Variants in BRPF1 observed in about 807,000 individuals in gnomAD.
BRPF1 encodes peregrin.
BRPF1 carries 15 observed loss-of-function variants against 115.0 expected under a neutral mutation model. The ratio of observed to expected loss-of-function variants is 0.13; its 90% CI spans 0.09 to 0.20. The LOEUF (loss-of-function observed/expected upper bound fraction) is 0.20. Ranked by LOEUF, BRPF1 falls within the 10% of genes least tolerant of loss-of-function variation. The pLI, the probability that BRPF1 is intolerant of heterozygous loss-of-function variation, is 1.00. For synonymous variants in BRPF1, 647 were observed against 619.8 expected, an observed-to-expected ratio of 1.04 and a Z score of -0.65; for missense variants, 1,118 against 1,638.3, an observed-to-expected ratio of 0.68 and a Z score of 5.48.
Position 9,747,101 on chromosome 3 carries a change from AG to A in BRPF1, c.3480-64del, listed in dbSNP as rs1482109689. 3 of 1,572,872 alleles carry A rather than the reference AG, an allele frequency of 1.9e-6. No individual in the cohort carries two copies. Among genetic ancestry groups the A allele is most frequent in the Non-Finnish European group, 2.6e-6 (3 of 1,150,000 alleles). ...GCTTGGGTGGTGTGTTTGAGTGAAT[AG>A]AGGAGGAAGGCTGGTCCTTGTTCTC... On this transcript the variant is annotated intron_variant, in intron 13 of 13. Transcript: ENST00000383829. The surrounding 1 kb of genome is among the most constrained non-coding windows in gnomAD (Gnocchi z 5.6).
chr3:9,746,464 G>A lies in BRPF1; in HGVS notation c.3479+10G>A, dbSNP rs2077127490. On this transcript the variant is annotated intron_variant, in intron 13 of 13. Transcript: ENST00000383829. ...ACAACAAACGAACCTGGTAAGGAGG[G>A]GAGCATTTGGTGTGACTCACAGCCA... The A allele has an allele frequency of 6.4e-7, 1 of 1,558,898 alleles. No individual in the cohort carries two copies.
In BRPF1 at chr3:9,747,576, G is replaced by T; in HGVS notation, c.*227G>T. 1 of 473,532 alleles carries T rather than the reference G, an allele frequency of 2.1e-6. No individual in the cohort carries two copies. The highest frequency in any genetic ancestry group is 3.7e-6 in the Non-Finnish European group (1 of 267,152). 29.3% of individuals were successfully genotyped at this position (473,532 alleles called of 1,614,324 possible). A position where few individuals can be genotyped will look rare whatever the true frequency, so the allele number is the denominator to read the frequency against. ...GCGCAAGGAGAGGGAGGGCCCACAG[G>T]TCAGAAAAAGCTCCAGAGACCTCAC... On this transcript the variant is annotated 3_prime_UTR_variant, in exon 14 of 14. Transcript: ENST00000383829. This position sits in a 1 kb window ranked among gnomAD's most constrained non-coding sequence, Gnocchi z 5.6.
rs771712227 is a variant in BRPF1, at chr3:9,739,789, G to T, written c.1390G>T (p.Gly464Cys). ...RRLPALSHSE[G>C]EEDEDEEEDE... is the part of the protein sequence containing the mutation. ...ACTGCCTGCCCTGTCCCACAGCGAG[G>T]GTGAGGAGGATGAAGATGAGGAGGA... Residue 464 changes from glycine to cysteine, a missense_variant, in exon 3 of 14, where the codon GGT becomes TGT. Around this residue, in one of 10 missense-constraint regions of BRPF1, gnomAD observed 87 missense variants for 93.4 expected, o/e 0.93. Transcript: ENST00000383829. 3 of 1,613,524 alleles carry T rather than the reference G, an allele frequency of 1.9e-6. No individual in the cohort carries two copies. The highest frequency in any genetic ancestry group is 1.7e-5 in the Admixed American group (1 of 59,912).
Position 9,734,744 on chromosome 3 carries a change from G to A in BRPF1, c.599+5G>A. The A allele has an allele frequency of 6.2e-7, 1 of 1,613,530 alleles. No homozygotes were observed. The highest frequency in any genetic ancestry group is 1.1e-5 in the South Asian group (1 of 91,066). On this transcript the variant is annotated splice_donor_5th_base_variant and intron_variant, in intron 2 of 13. Transcript: ENST00000383829. The surrounding 1 kb of genome is among the most constrained non-coding windows in gnomAD (Gnocchi z 5.7). The stretch of plus-strand genomic sequence containing the variant: ...CCGGCCAACTTCCTATTACCGGTAA[G>A]GCCACCTCTACCTTGCAGCTCTGGA...
At position 9,743,164 on chromosome 3, in the gene BRPF1, A is replaced by G. The variant is rs1471386300; in HGVS notation, c.2222A>G (p.Gln741Arg). The change falls in exon 7 of 14, where the codon CAG becomes CGG. Residue 741 changes from glutamine (Q) to arginine (R), a missense_variant. Gln to Arg is a conservative substitution (Grantham distance 43). Transcript: ENST00000383829. The surrounding 1 kb of genome is among the most constrained non-coding windows in gnomAD (Gnocchi z 6.1). ...GGAVLRQARR[Q>R]AEKMGIDFET... ...GCTGTGCTCCGCCAGGCCCGGCGCC[A>G]GGCAGAAAAAATGGGCATTGACTTT... 6.2e-7 allele frequency: 1 copy of G among 1,614,258 alleles called. No individual in the cohort carries two copies. The highest frequency in any genetic ancestry group is 8.5e-7 in the Non-Finnish European group (1 of 1,180,046).
chr3:9,734,596 G>A lies in BRPF1; in HGVS notation c.456G>A (p.Lys152=), dbSNP rs1171412862. 2 of 1,614,122 alleles carry A rather than the reference G, an allele frequency of 1.2e-6. No individual in the cohort carries two copies. Among genetic ancestry groups the A allele is most frequent in the Non-Finnish European group, 1.7e-6 (2 of 1,180,030 alleles). ...PAATPKSGKH[K]NKEKRKDSNH... ...CTACTCCCAAGTCAGGCAAACATAA[G>A]AACAAGGAGAAGCGCAAGGACTCCA... is the stretch of plus-strand genomic sequence containing the variant. Residue 152 remains lysine (K), a synonymous_variant, in exon 2 of 14, where the codon AAG becomes AAA. Transcript: ENST00000383829. The surrounding 1 kb of genome is among the most constrained non-coding windows in gnomAD (Gnocchi z 5.7).
chr3:9,742,522 CAG>C (rs2077048485), intron 6 of BRPF1: 1 of 985,326 alleles, frequency 1.0e-6, no homozygotes, highest in African/African-American at 1.7e-5. Flanking sequence ...TCCTGACTGG[CAG>C]ACTCTTCTCT....
chr3:9,746,962 G>A (rs866061328), intron 13 of BRPF1, among the ~76,000 whole-genome samples: 1 of 152,122 alleles, frequency 6.6e-6, no homozygotes, highest in Non-Finnish European at 1.5e-5. Flanking sequence ...AATACCCTGT[G>A]ATTACCCTCC....
chr3:9,744,161 G>T, intron 8 of BRPF1, 63 bp from the exon 9 acceptor site: 1 of 1,488,390 alleles, frequency 6.7e-7, no homozygotes, highest in South Asian at 1.4e-5. Flanking sequence ...GCATGACCCT[G>T]GATATCTACC....
intron 12 of BRPF1, 74 bp from the exon 13 acceptor site, chr3:9,746,226 C>CT: frequency 1.4e-6 from 2 of 1,475,812 alleles, no homozygotes; most frequent in African/African-American, 2.8e-5. Context: ...CAGACATACT[C>CT]TCTAAGTTCT....
At chr3:9,740,405 T>C (rs1161450194) in intron 3 of BRPF1, among the ~76,000 whole-genome samples, 1 of 152,184 alleles carries the variant, frequency 6.6e-6, no homozygotes, top group Non-Finnish European at 1.5e-5. Flanking sequence ...GTTTATTTGA[T>C]TTACTATATA....
chr3:9,738,256 A>C (rs921214434), intron 2 of BRPF1, among the ~76,000 whole-genome samples: 9 of 152,170 alleles, frequency 5.9e-5, no homozygotes, highest in African/African-American at 2.2e-4. Flanking sequence ...TGACCTATCT[A>C]TGTTTTGATT....
rs759462691 is a variant in BRPF1 at position 9,742,934 on chromosome 3, G to C, written c.2002-10G>C. ...TCTCCACTTAAAACAAACCTGCCCT[G>C]CCCTTCCAGGTACCTGACTACCTAG... is the stretch of plus-strand genomic sequence containing the variant. On this transcript the variant is annotated splice_polypyrimidine_tract_variant and intron_variant, in intron 6 of 13. Coordinates refer to ENST00000383829, the MANE Select transcript of BRPF1 (RefSeq NM_001003694.2). The C allele has an allele frequency of 2.5e-6, 4 of 1,609,402 alleles. No homozygotes were observed. The South Asian group carries it at 4.4e-5, about 18-fold the overall frequency.
intron 1 of BRPF1, chr3:9,732,480 A>C (rs548499703): frequency 6.6e-6 from 1 of 152,162 alleles, no homozygotes; most frequent in South Asian, 2.1e-4. Context: ...CTTCAGGGGC[A>C]GATGCAGCCG....
chr3:9,740,908 C>G lies in BRPF1; in HGVS notation c.1689C>G (p.His563Gln). The change falls in exon 4 of 14, where the codon CAC (histidine) becomes CAG (glutamine). Residue 563 changes from histidine to glutamine, a missense_variant. His to Gln is a conservative substitution (Grantham distance 24). Coordinates refer to ENST00000383829, the MANE Select transcript of BRPF1 (RefSeq NM_001003694.2). ...GVPLLRRLQT[H>Q]LQSQRNCDQV... is the part of the protein sequence containing the mutation. ...CATTGCTACGTCGCCTGCAGACACACCTGCAATCTCAGAGGAACTGTGACC... is the reference window on the plus strand; with the variant it reads ...CATTGCTACGTCGCCTGCAGACACAGCTGCAATCTCAGAGGAACTGTGACC... 2 of 1,613,468 alleles carry G rather than the reference C, an allele frequency of 1.2e-6. No homozygotes were observed. The highest frequency in any genetic ancestry group is 1.7e-6 in the Non-Finnish European group (2 of 1,180,022).
At position 9,742,982 on chromosome 3, in the gene BRPF1, C is replaced by T. The variant is rs145255927; in HGVS notation, c.2040C>T (p.Asp680=). The stretch of plus-strand genomic sequence containing the variant: ...TAGACCACATCAAAAAGCCCATGGA[C>T]TTTTTCACCATGAAGCAGAACTTGG... ...DYLDHIKKPM[D]FFTMKQNLEA... The change falls in exon 7 of 14, where the codon GAC becomes GAT. Residue 680 remains aspartate, a synonymous_variant. Coordinates refer to ENST00000383829, the MANE Select transcript of BRPF1 (RefSeq NM_001003694.2). 101 of 1,614,202 alleles carry T rather than the reference C, an allele frequency of 6.3e-5. No individual in the cohort carries two copies. Among genetic ancestry groups the T allele is most frequent in the Non-Finnish European group, 8.6e-5 (101 of 1,180,032 alleles).
In BRPF1 at chr3:9,745,444, A is replaced by G; in HGVS notation, c.3069-129A>G. The G allele has an allele frequency of 3.4e-6, 4 of 1,188,424 alleles. No individual in the cohort carries two copies. Among genetic ancestry groups the G allele is most frequent in the Non-Finnish European group, 4.8e-6 (4 of 831,546 alleles). 73.6% of individuals were successfully genotyped at this position (1,188,424 alleles called of 1,614,324 possible). ...TAGCCCCTGTGGGTGTTTGAATTTG[A>G]AATTCCTCATATAGCCTCTGCTTTC... On this transcript the variant is annotated intron_variant, in intron 10 of 13. Transcript: ENST00000383829. The surrounding 1 kb of genome is among the most constrained non-coding windows in gnomAD (Gnocchi z 5.1).
In BRPF1 at chr3:9,745,247, A is replaced by G. The variant is rs376393315; in HGVS notation, c.3068+92A>G. The G allele has an allele frequency of 2.1e-5, 30 of 1,449,534 alleles. No homozygotes were observed. Among genetic ancestry groups the G allele is most frequent in the African/African-American group, 1.9e-4 (13 of 69,798 alleles). 89.8% of individuals were successfully genotyped at this position (1,449,534 alleles called of 1,614,324 possible). A position where few individuals can be genotyped will look rare whatever the true frequency, so the allele number is the denominator to read the frequency against. ...GTTTCCCTGTTGGAAGTGGGGTGGC[A>G]GCCATCTCAGTCTAGATTAAGATGG... On this transcript the variant is annotated intron_variant, in intron 10 of 13. Coordinates refer to ENST00000383829, the MANE Select transcript of BRPF1 (RefSeq NM_001003694.2). This position sits in a 1 kb window ranked among gnomAD's most constrained non-coding sequence, Gnocchi z 5.1.
intron 2 of BRPF1, among the ~76,000 whole-genome samples, chr3:9,738,254 CTA>C (rs1559657993): frequency 6.6e-6 from 1 of 152,182 alleles, no homozygotes; most frequent in Admixed American, 6.5e-5. Flanking sequence ...TGTGACCTAT[CTA>C]TGTTTTGATT....
Sources: gnomAD v4.1 joint callset for allele counts (sites outside exome capture counted in the v4.1 genomes callset) on GRCh38, gnomAD v4.1.1 for gene constraint, gnomAD v4.1.1 regional missense constraint, Gnocchi (gnomAD v3.1) non-coding constraint, MANE v1.5 for transcripts, NCBI Gene and HGNC (gene_info 2026-07-23, HGNC 2026-07-21) for gene names.